The following MSRB3 variants were observed in gnomAD, a reference collection of about 807,000 sequenced individuals.
MSRB3 encodes methionine sulfoxide reductase B3, also known as methionine-R-sulfoxide reductase B3.
Under a neutral mutation model 21.0 loss-of-function variants are expected in MSRB3, and 13 were observed. That is an observed-to-expected ratio of 0.62 (90% CI 0.40 to 0.98). The LOEUF (loss-of-function observed/expected upper bound fraction) is 0.98, where lower values mean the gene tolerates loss of function less well. Ranked by LOEUF, MSRB3 falls within the 50% of genes least tolerant of loss-of-function variation. The probability of loss-of-function intolerance (pLI) is 0.00; values close to 1 mark genes in which losing one functional copy is unlikely to be tolerated. For synonymous variants in MSRB3, 87 were observed against 88.6 expected (o/e 0.98, Z 0.10); for missense variants, 199 against 230.3 (o/e 0.86, Z 0.88).
intron 5 of MSRB3, among the ~76,000 whole-genome samples, chr12:65,448,531 C>G (rs1882718022): frequency 1.3e-5 from 2 of 152,054 alleles, no homozygotes; most frequent in African/African-American, 4.8e-5. Context: ...ATGTCTAAAA[C>G]AGCACTGTGC....
At chr12:65,374,910 C>T (rs12313934) in intron 5 of MSRB3, among the ~76,000 whole-genome samples, 98,583 of 151,926 alleles carry the variant, frequency 0.65, 32,100 homozygotes, top group Admixed American at 0.72. Context: ...AGTGCAGTGG[C>T]GCGATCTCGG....
At chr12:65,291,135 G>T (rs1872641912) in intron 1 of MSRB3, among the ~76,000 whole-genome samples, 1 of 151,672 alleles carries the variant, frequency 6.6e-6, no homozygotes, top group African/African-American at 2.4e-5. Flanking sequence ...ACCCAGGCTG[G>T]AGTGCAGTGG....
At chr12:65,298,943 T>A (rs1030370103) in intron 1 of MSRB3, among the ~76,000 whole-genome samples, 3 of 152,220 alleles carry the variant, frequency 2.0e-5, no homozygotes, top group African/African-American at 7.2e-5. Flanking sequence ...TTACCAGGTT[T>A]TTTCTTTAGA....
chr12:65,439,061 G>A (rs773730505), intron 5 of MSRB3, among the ~76,000 whole-genome samples: 4 of 151,800 alleles, frequency 2.6e-5, no homozygotes, highest in Non-Finnish European at 4.4e-5. Flanking sequence ...CTTACAAGAA[G>A]CAAACAAAGT....
At chr12:65,303,074 C>T (rs1443581697) in intron 1 of MSRB3, among the ~76,000 whole-genome samples, 9 of 151,810 alleles carry the variant, frequency 5.9e-5, no homozygotes, top group Non-Finnish European at 1.0e-4. Context: ...TCCTACAGTT[C>T]TGGGTGTGGT....
chr12:65,440,101 T>G (rs1360216357), intron 5 of MSRB3, among the ~76,000 whole-genome samples: 3 of 151,764 alleles, frequency 2.0e-5, no homozygotes, highest in Non-Finnish European at 4.4e-5. Context: ...AGTTTAAAAC[T>G]TATTGGTAGC....
chr12:65,455,290 T>G (rs1883037983), intron 6 of MSRB3, among the ~76,000 whole-genome samples: 1 of 151,904 alleles, frequency 6.6e-6, no homozygotes, highest in Non-Finnish European at 1.5e-5. Context: ...CCTTCAAGTG[T>G]GAGGACTACT....
intron 5 of MSRB3, among the ~76,000 whole-genome samples, chr12:65,422,887 T>C (rs1003110111): frequency 6.6e-6 from 1 of 151,970 alleles, no homozygotes; most frequent in Non-Finnish European, 1.5e-5. Context: ...GAGTTTCGTA[T>C]GTTGATTTTG....
chr12:65,357,863 C>G (rs1877479333), intron 4 of MSRB3, among the ~76,000 whole-genome samples: 1 of 151,936 alleles, frequency 6.6e-6, no homozygotes. Context: ...AACAACACGT[C>G]ATCACTTTTG....
At chr12:65,453,099 C>T (rs1882930761) in intron 5 of MSRB3, among the ~76,000 whole-genome samples, 1 of 152,040 alleles carries the variant, frequency 6.6e-6, no homozygotes, top group African/African-American at 2.4e-5. Context: ...AAGGTGCTGC[C>T]CAGAGATGTC....
intron 5 of MSRB3, among the ~76,000 whole-genome samples, chr12:65,451,685 T>TA (rs1210484844): frequency 6.6e-6 from 1 of 152,190 alleles, no homozygotes; most frequent in East Asian, 1.9e-4. Flanking sequence ...TAAAGAGGCG[T>TA]AATCACAGTG....
chr12:65,299,433 T>C (rs1873179495), intron 1 of MSRB3, among the ~76,000 whole-genome samples: 2 of 152,194 alleles, frequency 1.3e-5, no homozygotes, highest in Admixed American at 1.3e-4. Flanking sequence ...TTCTCAGGGT[T>C]CAAGTGTGCT....
intron 4 of MSRB3, among the ~76,000 whole-genome samples, chr12:65,348,003 AT>A (rs1876644647): frequency 6.6e-6 from 1 of 151,968 alleles, no homozygotes; most frequent in Non-Finnish European, 1.5e-5. Flanking sequence ...TTTACTGAGG[AT>A]TTTTGCATCG....
In MSRB3 at chr12:65,294,747, G is replaced by T. The variant is rs748683502; in HGVS notation, c.-51-13782G>T. On this transcript the variant is annotated intron_variant, in intron 1 of 6. Transcript: ENST00000308259. Reference sequence around the variant, plus strand: ...ATGGACATATTTGATGACACTCTTTGTACTATAGTTTTATGTTCTTTTTGT... The same window carrying T: ...ATGGACATATTTGATGACACTCTTTTTACTATAGTTTTATGTTCTTTTTGT... Among the ~76,000 whole-genome samples the T allele has an allele frequency of 3.3e-5, 5 of 149,826 alleles. No individual in the cohort carries two copies. In the South Asian group the frequency reaches 1.1e-3, roughly 34 times the overall value.
At chr12:65,455,989 A>C (rs111573127) in intron 6 of MSRB3, among the ~76,000 whole-genome samples, 175 of 152,242 alleles carry the variant, frequency 1.1e-3, no homozygotes, top group African/African-American at 4.0e-3. Context: ...CACCTGCCTC[A>C]GCCTCCTAAA....
intron 5 of MSRB3, among the ~76,000 whole-genome samples, chr12:65,425,969 G>A (rs1039730161): frequency 2.4e-4 from 36 of 152,168 alleles, no homozygotes; most frequent in African/African-American, 8.4e-4. Context: ...CAATTCTTCT[G>A]CCTCAGCCTC....
intron 2 of MSRB3, among the ~76,000 whole-genome samples, chr12:65,321,801 CTAAT>C (rs1874683491): frequency 6.6e-6 from 1 of 152,100 alleles, no homozygotes; most frequent in Admixed American, 6.5e-5. Flanking sequence ...CAGTGACAAA[CTAAT>C]AACCAACCAA....
intron 4 of MSRB3, among the ~76,000 whole-genome samples, chr12:65,355,449 A>T (rs1376231486): frequency 6.6e-6 from 1 of 151,852 alleles, no homozygotes; most frequent in Non-Finnish European, 1.5e-5. Context: ...CATAATCATA[A>T]GTTGGCTGGC....
chr12:65,458,897 T>C (rs1883203005), intron 6 of MSRB3, among the ~76,000 whole-genome samples: 1 of 152,262 alleles, frequency 6.6e-6, no homozygotes, highest in Non-Finnish European at 1.5e-5. Context: ...TGAATAATTA[T>C]TCAACAGCCT....
Sources: allele counts gnomAD v4.1 joint callset (sites outside exome capture counted in the v4.1 genomes callset), GRCh38; gene constraint gnomAD v4.1.1; transcripts MANE v1.5; gene names NCBI Gene and HGNC (gene_info 2026-07-23, HGNC 2026-07-21).